The following EXOC4 variants were observed in gnomAD, a reference collection of about 807,000 sequenced individuals.
EXOC4 encodes the protein exocyst complex component 4.
Under a neutral mutation model 107.2 loss-of-function variants are expected in EXOC4, and 71 were observed. The ratio of observed to expected loss-of-function variants is 0.66; its 90% CI spans 0.55 to 0.81. The LOEUF is 0.81. EXOC4 is among the 30% of genes least tolerant of loss of function. The pLI is 0.00. For synonymous variants in EXOC4, 456 were observed against 441.2 expected (o/e 1.03, Z -0.42); for missense variants, 1,108 against 1,189.6 (o/e 0.93, Z 1.01).
intron 17 of EXOC4, among the ~76,000 whole-genome samples, chr7:134,058,130 A>G (rs1402574604): frequency 6.6e-6 from 1 of 152,178 alleles, no homozygotes; most frequent in Non-Finnish European, 1.5e-5. Context: ...TCACTTGACA[A>G]CTTAGTGACC....
intron 9 of EXOC4, among the ~76,000 whole-genome samples, chr7:133,491,610 G>C (rs1480674350): frequency 6.6e-6 from 1 of 152,196 alleles, no homozygotes; most frequent in Non-Finnish European, 1.5e-5. Context: ...ATGGTGTACA[G>C]TCAACATTTC....
chr7:133,432,535 C>A (rs972556895), intron 7 of EXOC4, among the ~76,000 whole-genome samples: 4 of 152,126 alleles, frequency 2.6e-5, no homozygotes, highest in South Asian at 2.1e-4. Context: ...TCCTCTCCCC[C>A]CTTTATATCT....
chr7:133,995,790 G>A (rs1794376276), intron 14 of EXOC4, among the ~76,000 whole-genome samples: 1 of 152,066 alleles, frequency 6.6e-6, no homozygotes, highest in African/African-American at 2.4e-5. Flanking sequence ...CATGTTAGAA[G>A]CCTGGATTGT....
chr7:133,630,620 TTC>T (rs1156819209), intron 10 of EXOC4, among the ~76,000 whole-genome samples: 1 of 152,188 alleles, frequency 6.6e-6, no homozygotes, highest in Non-Finnish European at 1.5e-5. Flanking sequence ...AATACTTATT[TTC>T]TGGCCCTTTA....
chr7:133,413,755 TGTCACTTCATTTAGAGA>T (rs1797413310), intron 7 of EXOC4, among the ~76,000 whole-genome samples: 1 of 152,150 alleles, frequency 6.6e-6, no homozygotes, highest in South Asian at 2.1e-4. Context: ...GAACTTTAGC[TGTCACTTCATTTAGAGA>T]TTACCAAAGC....
At chr7:133,749,709 C>G (rs1266333711) in intron 10 of EXOC4, among the ~76,000 whole-genome samples, 1 of 152,088 alleles carries the variant, frequency 6.6e-6, no homozygotes, top group African/African-American at 2.4e-5. Context: ...TGAGCTTGTT[C>G]AATCTATGTC....
At chr7:133,406,868 T>C (rs1372444453) in intron 7 of EXOC4, among the ~76,000 whole-genome samples, 1 of 152,140 alleles carries the variant, frequency 6.6e-6, no homozygotes, top group Non-Finnish European at 1.5e-5. Flanking sequence ...GGACAGAGAG[T>C]GAGAGGGGAC....
chr7:133,708,348 A>G (rs551756378), intron 10 of EXOC4, among the ~76,000 whole-genome samples: 24 of 152,370 alleles, frequency 1.6e-4, no homozygotes, highest in African/African-American at 5.8e-4. Flanking sequence ...GGGAACATTG[A>G]TATGAAACAA....
intron 10 of EXOC4, among the ~76,000 whole-genome samples, chr7:133,747,879 G>A (rs990615966): frequency 6.6e-6 from 1 of 152,120 alleles, no homozygotes; most frequent in Admixed American, 6.6e-5. Flanking sequence ...CAGTCAGGGA[G>A]AATATCAATT....
chr7:133,543,886 G>A (rs1044018235), intron 9 of EXOC4, among the ~76,000 whole-genome samples: 1 of 152,042 alleles, frequency 6.6e-6, no homozygotes, highest in Non-Finnish European at 1.5e-5. Context: ...CTTATCTGCT[G>A]GCTAGCATTT....
intron 7 of EXOC4, 65 bp from the exon 8 acceptor site, chr7:133,475,263 A>C (rs1269699577): frequency 3.0e-6 from 4 of 1,352,064 alleles, no homozygotes; most frequent in African/African-American, 2.9e-5. Context: ...GTTTTAAAAT[A>C]GTTTTTCTTA....
intron 9 of EXOC4, among the ~76,000 whole-genome samples, chr7:133,562,687 G>C (rs1263449760): frequency 6.6e-6 from 1 of 152,196 alleles, no homozygotes; most frequent in African/African-American, 2.4e-5. Flanking sequence ...AAGAAAGATT[G>C]AGGGCACTGA....
At chr7:133,405,275 G>A (rs1797190753) in intron 7 of EXOC4, among the ~76,000 whole-genome samples, 1 of 151,898 alleles carries the variant, frequency 6.6e-6, no homozygotes, top group Admixed American at 6.6e-5. Flanking sequence ...TAGTATGTAG[G>A]CAATGATTCA....
intron 11 of EXOC4, among the ~76,000 whole-genome samples, chr7:133,854,565 G>A (rs1330753798): frequency 6.6e-6 from 1 of 151,952 alleles, no homozygotes; most frequent in Non-Finnish European, 1.5e-5. Flanking sequence ...ACTGGCAAAG[G>A]GAAAAGTAAT....
intron 11 of EXOC4, among the ~76,000 whole-genome samples, chr7:133,833,114 C>G (rs1797845329): frequency 9.6e-6 from 1 of 103,846 alleles, no homozygotes; most frequent in South Asian, 2.9e-4. Flanking sequence ...TGTAGACACA[C>G]TGTTAAAGCT....
intron 3 of EXOC4, among the ~76,000 whole-genome samples, chr7:133,291,573 G>C (rs4366012): frequency 0.3 from 45,819 of 151,280 alleles, 7,973 homozygotes; most frequent in African/African-American, 0.48. Context: ...GTAGAGATGG[G>C]TTTTCACCAT....
chr7:134,068,520 CCT>C (rs35424764), downstream of EXOC4, among the ~76,000 whole-genome samples: 111,889 of 151,388 alleles, frequency 0.74, 41,631 homozygotes, highest in East Asian at 0.87. Context: ...GTCCATTAAA[CCT>C]CTTTTTCATT....
intron 10 of EXOC4, among the ~76,000 whole-genome samples, chr7:133,723,528 T>C (rs1388829754): frequency 3.9e-5 from 6 of 152,180 alleles, no homozygotes; most frequent in African/African-American, 1.4e-4. Context: ...TCTCACTCTG[T>C]TGCCCAGGCT....
chr7:133,436,731 A>C (rs1797984944), intron 7 of EXOC4, among the ~76,000 whole-genome samples: 1 of 152,184 alleles, frequency 6.6e-6, no homozygotes, highest in Non-Finnish European at 1.5e-5. Flanking sequence ...AATGTGCACT[A>C]TATGGAATGC....
Sources: gnomAD v4.1 joint callset for allele counts (sites outside exome capture counted in the v4.1 genomes callset) on GRCh38, gnomAD v4.1.1 for gene constraint, MANE v1.5 for transcripts, NCBI Gene and HGNC (gene_info 2026-07-23, HGNC 2026-07-21) for gene names.